The following CEP162 variants were observed in gnomAD, a reference collection of about 807,000 sequenced individuals.
CEP162 encodes centrosomal protein 162, also known as centrosomal protein of 162 kDa.
Under a neutral mutation model 169.2 loss-of-function variants are expected in CEP162, and 141 were observed. The observed-to-expected ratio is 0.83, with a 90% confidence interval of 0.73 to 0.96. The LOEUF is 0.96. CEP162 is among the 40% of genes least tolerant of loss of function. CEP162 has a pLI of 0.00. For missense variants in CEP162, 1,600 were observed against 1,587.2 expected (o/e 1.01, Z -0.14); for synonymous variants, 540 against 526.4 (o/e 1.03, Z -0.35).
chr6:84,190,554 A>C (rs1209837321), intron 11 of CEP162, among the ~76,000 whole-genome samples: 1 of 151,976 alleles, frequency 6.6e-6, no homozygotes, highest in Admixed American at 6.6e-5. Context: ...GCCCAGCGAG[A>C]CCACGAGCCC....
At chr6:84,139,562 C>T (rs538622074) in intron 25 of CEP162, among the ~76,000 whole-genome samples, 1 of 152,250 alleles carries the variant, frequency 6.6e-6, no homozygotes, top group South Asian at 2.1e-4. Context: ...TTCTGGGATA[C>T]CCCATCCACT....
chr6:84,129,955 A>C (rs1177020256), intron 25 of CEP162, among the ~76,000 whole-genome samples: 1 of 152,106 alleles, frequency 6.6e-6, no homozygotes, highest in Non-Finnish European at 1.5e-5. Flanking sequence ...CTTCAAAGGG[A>C]ATGCTTCCAG....
At chr6:84,130,260 A>G (rs1275155708) in intron 25 of CEP162, among the ~76,000 whole-genome samples, 1 of 152,190 alleles carries the variant, frequency 6.6e-6, no homozygotes, top group Non-Finnish European at 1.5e-5. Flanking sequence ...TTGGATTGCC[A>G]GTATTTTATT....
At position 84,174,716 on chromosome 6, in the gene CEP162, G is replaced by A; in HGVS notation, c.2025+11C>T. 2.7e-6 allele frequency: 3 copies of A among 1,106,654 alleles called. No individual in the cohort carries two copies. Among genetic ancestry groups the A allele is most frequent in the Non-Finnish European group, 3.9e-6 (3 of 776,136 alleles). 68.6% of individuals were successfully genotyped at this position (1,106,654 alleles called of 1,614,324 possible). ...AAATATAAAAAAATACCAGAACAAT[G>A]TATCTAGTACCTTGGCTTGAAGAAT... On this transcript the variant is annotated intron_variant, in intron 15 of 26. Coordinates refer to ENST00000403245, the MANE Select transcript of CEP162 (RefSeq NM_014895.4).
chr6:84,172,636 T>C lies in CEP162; in HGVS notation c.2167-918A>G, dbSNP rs2129219447. ...TTTCTTAAAAACCTCTGTTTTTTAA[T>C]GGCAAGATCAAACTGGCAGAAGAAT... On this transcript the variant is annotated intron_variant, in intron 16 of 26. Coordinates refer to ENST00000403245, the MANE Select transcript of CEP162 (RefSeq NM_014895.4). 1.3e-5 allele frequency among the ~76,000 whole-genome samples: 2 copies of C among 152,318 alleles called. 1 individual carries two copies. The highest frequency in any genetic ancestry group is 4.8e-5 in the African/African-American group (2 of 41,588).
intron 18 of CEP162, among the ~76,000 whole-genome samples, chr6:84,168,848 G>C (rs1316324686): frequency 2.0e-5 from 3 of 152,148 alleles, no homozygotes; most frequent in Admixed American, 2.0e-4. Context: ...TAGGTATGTG[G>C]AATATAAATA....
chr6:84,151,661 G>A (rs1210442493), intron 23 of CEP162, among the ~76,000 whole-genome samples: 1 of 152,134 alleles, frequency 6.6e-6, no homozygotes, highest in Non-Finnish European at 1.5e-5. Context: ...AGAGCTGAAT[G>A]CTGGTAGAAA....
At chr6:84,147,654 AT>A (rs543855454) in intron 24 of CEP162, among the ~76,000 whole-genome samples, 107 of 152,166 alleles carry the variant, frequency 7.0e-4, no homozygotes, top group African/African-American at 2.6e-3. Flanking sequence ...AAATATGAAC[AT>A]TTTTCATGAC....
chr6:84,155,596 C>T (rs762770786), intron 21 of CEP162, 86 bp from the exon 22 acceptor site: 3 of 884,720 alleles, frequency 3.4e-6, no homozygotes, highest in Non-Finnish European at 5.2e-6. Context: ...ACAGAAATCT[C>T]TGTATACAGT....
chr6:84,180,482 A>C (rs2099534327), intron 13 of CEP162, among the ~76,000 whole-genome samples: 1 of 151,876 alleles, frequency 6.6e-6, no homozygotes, highest in African/African-American at 2.4e-5. Flanking sequence ...ATAGTGTTGG[A>C]AGTTCTGGCC....
chr6:84,152,651 C>G lies in CEP162; in HGVS notation c.3523G>C (p.Glu1175Gln). 6.2e-7 allele frequency: 1 copy of G among 1,605,302 alleles called. No homozygotes were observed. The highest frequency in any genetic ancestry group is 8.5e-7 in the Non-Finnish European group (1 of 1,175,368). Residue 1175 changes from glutamate to glutamine, a missense_variant, in exon 23 of 27, where the codon GAA becomes CAA. Glu to Gln is a conservative substitution (Grantham distance 29). Transcript: ENST00000403245. ...AGCTCATTTTTTAATCTGTAGTTTT[C>G]TTGTAAAACTTCTGAAACATGGGAA... The part of the protein sequence containing the change: ...TDSHVSEVLQ[E>Q]NYRLKNELEG...
intron 6 of CEP162, among the ~76,000 whole-genome samples, chr6:84,210,919 T>G (rs2099549159): frequency 6.6e-6 from 1 of 151,496 alleles, no homozygotes; most frequent in Admixed American, 6.6e-5. Flanking sequence ...AAAAATCAAG[T>G]GGTAGGATCA....
chr6:84,176,876 G>A (rs909561803), intron 13 of CEP162, among the ~76,000 whole-genome samples: 1 of 151,692 alleles, frequency 6.6e-6, no homozygotes. Flanking sequence ...AAAGTATCAA[G>A]TAATTATATT....
intron 7 of CEP162, among the ~76,000 whole-genome samples, 195 bp downstream of exon 7, chr6:84,203,786 T>A (rs1279097817): frequency 6.6e-6 from 1 of 152,094 alleles, no homozygotes; most frequent in Non-Finnish European, 1.5e-5. Context: ...TTGTCGTAAT[T>A]TTTTTCATTA....
intron 25 of CEP162, among the ~76,000 whole-genome samples, chr6:84,144,476 TATC>T (rs2099518004): frequency 1.3e-5 from 2 of 152,104 alleles, no homozygotes; most frequent in African/African-American, 2.4e-5. Context: ...TTTAAAGTCT[TATC>T]ATCCACAGAT....
chr6:84,160,656 G>T (rs949423012), intron 21 of CEP162, among the ~76,000 whole-genome samples, 156 bp downstream of exon 21: 2 of 152,110 alleles, frequency 1.3e-5, no homozygotes, highest in African/African-American at 2.4e-5. Context: ...AAAGCTGTAG[G>T]TATATAAAAT....
At chr6:84,164,089 CAT>C (rs561563982) in intron 18 of CEP162, among the ~76,000 whole-genome samples, 4 of 150,410 alleles carry the variant, frequency 2.7e-5, no homozygotes, top group East Asian at 2.0e-4. Context: ...GGTCAACAAA[CAT>C]ATGAAAAAAA....
chr6:84,131,047 T>G lies in CEP162; in HGVS notation c.3871-4535A>C, dbSNP rs181307870. On this transcript the variant is annotated intron_variant, in intron 25 of 26. Coordinates refer to ENST00000403245, the MANE Select transcript of CEP162 (RefSeq NM_014895.4). ...TTTAAATGTGTCCCAGAGATTCTGG[T>G]ACGTCATGTCTTTGTTCTCACTGGT... 4.6e-3 allele frequency among the ~76,000 whole-genome samples: 696 copies of G among 152,378 alleles called. 8 individuals are homozygous for G. The highest frequency in any genetic ancestry group is 0.016 in the African/African-American group (664 of 41,586).
At position 84,226,443 on chromosome 6, in the gene CEP162, A is replaced by G; in HGVS notation, c.-50T>C. ...GTAAACATTCTAAAGTACCTCAAAC[A>G]TTGGAAACACTAAATGACAAGAGAC... On this transcript the variant is annotated 5_prime_UTR_variant, in exon 2 of 27. An upstream start codon of the reference 5' UTR is lost. Transcript: ENST00000403245. 7.9e-7 allele frequency: 1 copy of G among 1,258,098 alleles called. No individual in the cohort carries two copies. Among genetic ancestry groups the G allele is most frequent in the Non-Finnish European group, 1.1e-6 (1 of 880,932 alleles). 77.9% of individuals were successfully genotyped at this position (1,258,098 alleles called of 1,614,324 possible).
Sources: allele counts gnomAD v4.1 joint callset (sites outside exome capture counted in the v4.1 genomes callset), GRCh38; gene constraint gnomAD v4.1.1; transcripts MANE v1.5; gene names NCBI Gene and HGNC (gene_info 2026-07-23, HGNC 2026-07-21).